Variants in FHIT observed in about 807,000 individuals in gnomAD.
FHIT encodes the protein fragile histidine triad diadenosine triphosphatase.
In FHIT, 19 loss-of-function variants were observed where a neutral mutation model predicts 17.9. That is an observed-to-expected ratio of 1.06 (90% CI 0.74 to 1.56). The LOEUF is 1.56. FHIT is among the 40% of genes most tolerant of loss of function. The pLI is 0.00. For missense variants in FHIT, 248 were observed against 189.2 expected (o/e 1.31, Z -1.82); for synonymous variants, 81 against 69.7 (o/e 1.16, Z -0.81).
chr3:60,649,849 A>G (rs1201694334), intron 4 of FHIT, among the ~76,000 whole-genome samples: 1 of 152,202 alleles, frequency 6.6e-6, no homozygotes, highest in African/African-American at 2.4e-5. Context: ...AGTAGGAAGG[A>G]TAGCAGGGTA....
intron 8 of FHIT, among the ~76,000 whole-genome samples, chr3:59,867,957 C>G (rs1345774277): frequency 6.9e-6 from 1 of 145,146 alleles, no homozygotes; most frequent in African/African-American, 2.6e-5. Flanking sequence ...TGGTGACAGT[C>G]TTGAGGCTAA....
At chr3:60,763,247 G>T (rs573134842) in intron 4 of FHIT, among the ~76,000 whole-genome samples, 2 of 152,260 alleles carry the variant, frequency 1.3e-5, no homozygotes, top group South Asian at 4.2e-4. Flanking sequence ...CATTATCATG[G>T]TGGGCTCACT....
At chr3:61,022,148 A>C (rs185503833) in intron 3 of FHIT, among the ~76,000 whole-genome samples, 34 of 152,340 alleles carry the variant, frequency 2.2e-4, no homozygotes, top group Admixed American at 2.2e-3. Flanking sequence ...ACACAACAAA[A>C]AATGATAAAG....
chr3:60,568,383 C>T (rs888254042), intron 4 of FHIT, among the ~76,000 whole-genome samples: 17 of 151,908 alleles, frequency 1.1e-4, no homozygotes, highest in Non-Finnish European at 1.9e-4. Flanking sequence ...CGCGTGTTCT[C>T]ACTCATAGGT....
At chr3:60,066,847 G>A (rs1702535973) in intron 5 of FHIT, among the ~76,000 whole-genome samples, 2 of 151,438 alleles carry the variant, frequency 1.3e-5, no homozygotes, top group Non-Finnish European at 2.9e-5. Context: ...TAGTAGAGAC[G>A]GGGTTTCACC....
intron 5 of FHIT, among the ~76,000 whole-genome samples, chr3:60,316,640 T>A (rs1709178561): frequency 6.6e-6 from 1 of 152,170 alleles, no homozygotes; most frequent in Non-Finnish European, 1.5e-5. Context: ...TGCTACAAAT[T>A]TGAATGAAAT....
intron 2 of FHIT, among the ~76,000 whole-genome samples, chr3:61,099,994 G>A (rs561374879): frequency 1.3e-5 from 2 of 151,918 alleles, no homozygotes; most frequent in Non-Finnish European, 2.9e-5. Flanking sequence ...TGGTTTAGTG[G>A]GTGTGAAGTG....
At chr3:59,995,277 A>G (rs922782240) in intron 7 of FHIT, among the ~76,000 whole-genome samples, 1 of 152,030 alleles carries the variant, frequency 6.6e-6, no homozygotes, top group Non-Finnish European at 1.5e-5. Context: ...TCTATCTCCA[A>G]CTTAGCTCTC....
chr3:60,363,202 C>T (rs547383503), intron 5 of FHIT, among the ~76,000 whole-genome samples: 3 of 152,084 alleles, frequency 2.0e-5, no homozygotes, highest in African/African-American at 4.8e-5. Flanking sequence ...GGTCGGCAAC[C>T]CCACATCAGT....
intron 8 of FHIT, 152 bp from the exon 9 acceptor site, chr3:59,752,473 T>C (rs1025675720): frequency 8.4e-6 from 5 of 593,294 alleles, no homozygotes; most frequent in African/African-American, 1.9e-5. Context: ...AACTTGCAAA[T>C]AGGCTTTATA....
chr3:60,917,144 C>G (rs936125387), intron 3 of FHIT, among the ~76,000 whole-genome samples: 1 of 152,140 alleles, frequency 6.6e-6, no homozygotes, highest in Non-Finnish European at 1.5e-5. Flanking sequence ...AAACTTAAGG[C>G]TTAACAGAAT....
intron 5 of FHIT, among the ~76,000 whole-genome samples, chr3:60,432,462 T>A (rs928057205): frequency 6.6e-6 from 1 of 152,104 alleles, no homozygotes; most frequent in Non-Finnish European, 1.5e-5. Context: ...ATACTGATAG[T>A]GATAAAAACT....
chr3:61,145,815 T>C (rs2037210926), intron 2 of FHIT, among the ~76,000 whole-genome samples: 3 of 152,136 alleles, frequency 2.0e-5, no homozygotes, highest in African/African-American at 7.2e-5. Flanking sequence ...AGACTGTTCA[T>C]TGCTAGTATA....
intron 8 of FHIT, among the ~76,000 whole-genome samples, chr3:59,910,267 C>A (rs1235078344): frequency 6.6e-6 from 1 of 152,180 alleles, no homozygotes; most frequent in African/African-American, 2.4e-5. Context: ...GCTTCCAGGG[C>A]ATAGGTAGAT....
intron 8 of FHIT, among the ~76,000 whole-genome samples, chr3:59,904,944 T>G (rs1479739494): frequency 6.6e-6 from 1 of 152,044 alleles, no homozygotes; most frequent in Admixed American, 6.6e-5. Context: ...GAAAACCAAT[T>G]AGGAAAGCGC....
In FHIT at chr3:59,747,348, C is replaced by A. The variant is rs1181681999; in HGVS notation, c.*2237G>T. Among the ~76,000 whole-genome samples, 2 of 152,102 alleles carry A rather than the reference C, an allele frequency of 1.3e-5. No individual in the cohort carries two copies. Among genetic ancestry groups the A allele is most frequent in the African/African-American group, 4.8e-5 (2 of 41,416 alleles). On this transcript the variant is annotated 3_prime_UTR_variant, in exon 10 of 10. Transcript: ENST00000492590. ...AGGCAAAAGAGGAGCAAAGCCACAT[C>A]TTACATGGCAGCAGGCAAGACAGCG... is the stretch of plus-strand genomic sequence containing the variant.
intron 5 of FHIT, among the ~76,000 whole-genome samples, chr3:60,018,765 G>A (rs1182668910): frequency 6.6e-6 from 1 of 152,134 alleles, no homozygotes; most frequent in African/African-American, 2.4e-5. Flanking sequence ...ATCACCTGAG[G>A]TCAGCAGTTC....
chr3:60,065,250 T>C (rs1480682373), intron 5 of FHIT, among the ~76,000 whole-genome samples: 1 of 152,192 alleles, frequency 6.6e-6, no homozygotes, highest in African/African-American at 2.4e-5. Flanking sequence ...TGAGCTAGAA[T>C]GCTTAGTACT....
At chr3:60,898,116 C>A (rs1367242570) in intron 3 of FHIT, among the ~76,000 whole-genome samples, 3 of 152,076 alleles carry the variant, frequency 2.0e-5, no homozygotes, top group Non-Finnish European at 4.4e-5. Flanking sequence ...ATTAAAAAAA[C>A]CCTCTGTTCT....
Sources: gnomAD v4.1 joint callset for allele counts (sites outside exome capture counted in the v4.1 genomes callset) on GRCh38, gnomAD v4.1.1 for gene constraint, MANE v1.5 for transcripts, NCBI Gene and HGNC (gene_info 2026-07-23, HGNC 2026-07-21) for gene names.